Variants in FAT3 observed in about 807,000 individuals in gnomAD.
The protein encoded by FAT3 is FAT atypical cadherin 3.
FAT3 carries 95 observed loss-of-function variants against 310.2 expected under a neutral mutation model. The observed-to-expected ratio is 0.31, with a 90% CI of 0.26 to 0.36. The LOEUF (loss-of-function observed/expected upper bound fraction) is 0.36. FAT3 is among the 10% of genes least tolerant of loss of function. The pLI is 1.00. For missense variants in FAT3, 5,408 were observed against 5,715.6 expected (o/e 0.95, Z 1.74); for synonymous variants, 2,314 against 2,192.9 (o/e 1.06, Z -1.54).
chr11:92,561,275 G>A (rs1955217103), intron 3 of FAT3, among the ~76,000 whole-genome samples: 1 of 130,584 alleles, frequency 7.7e-6, no homozygotes, highest in Admixed American at 7.6e-5. Context: ...GTGTGTGTGT[G>A]TGTGTGTGTG....
At chr11:92,405,218 G>T (rs773534092) in intron 2 of FAT3, among the ~76,000 whole-genome samples, 2 of 152,036 alleles carry the variant, frequency 1.3e-5, no homozygotes, top group Non-Finnish European at 2.9e-5. Context: ...GGGGCATGGA[G>T]GTTGCTTCAC....
chr11:92,478,135 T>A (rs1050492868), intron 2 of FAT3, among the ~76,000 whole-genome samples: 1 of 152,316 alleles, frequency 6.6e-6, no homozygotes, highest in Non-Finnish European at 1.5e-5. Flanking sequence ...CCAAATAAAA[T>A]GTTTTCCTAG....
chr11:92,720,694 A>G (rs1384790897), intron 4 of FAT3, among the ~76,000 whole-genome samples: 1 of 152,098 alleles, frequency 6.6e-6, no homozygotes, highest in Non-Finnish European at 1.5e-5. Flanking sequence ...TCCAGATTTC[A>G]TGCTGCAGTT....
At chr11:92,706,931 G>A (rs1015905379) in intron 4 of FAT3, among the ~76,000 whole-genome samples, 6 of 152,202 alleles carry the variant, frequency 3.9e-5, no homozygotes, top group South Asian at 4.1e-4. Flanking sequence ...GCCAAGGAAC[G>A]GAAGGGTGCT....
At chr11:92,837,517 G>A in intron 16 of FAT3, 146 bp from the exon 17 acceptor site, 1 of 946,160 alleles carries the variant, frequency 1.1e-6, no homozygotes, top group Non-Finnish European at 1.6e-6. Context: ...AATGTCAGTG[G>A]TGCCAAGAAT....
In FAT3 at chr11:92,252,091, C is replaced by T. The variant is rs1395453094; in HGVS notation, c.-18+26917C>T. 2.0e-5 allele frequency among the ~76,000 whole-genome samples: 3 copies of T among 152,202 alleles called. No homozygotes were observed. The East Asian group carries it at 5.8e-4, about 30-fold the overall frequency. On this transcript the variant is annotated intron_variant, in intron 1 of 27. Coordinates refer to ENST00000525166, the MANE Select transcript of FAT3 (RefSeq NM_001367949.2). Reference sequence around the variant, plus strand: ...CAACAGTTACCACGTCATGACTTAGCAAGGCTTGGAATGCCTTGAGCTGTT... The same window carrying T: ...CAACAGTTACCACGTCATGACTTAGTAAGGCTTGGAATGCCTTGAGCTGTT...
chr11:92,858,826 G>C (rs959777130), intron 20 of FAT3, among the ~76,000 whole-genome samples: 1 of 152,162 alleles, frequency 6.6e-6, no homozygotes, highest in East Asian at 1.9e-4. Context: ...AGGAATGAAG[G>C]GGTATCTTTT....
In FAT3 at chr11:92,492,436, T is replaced by A. The variant is rs576086386; in HGVS notation, c.3293-32198T>A. ...TCTTTAAAATGGAGATCATAATAAT[T>A]AGCAAGGTTGTATTCTGTACCAGAG... On this transcript the variant is annotated intron_variant, in intron 2 of 27. Coordinates refer to ENST00000525166, the MANE Select transcript of FAT3 (RefSeq NM_001367949.2). 1.3e-5 allele frequency among the ~76,000 whole-genome samples: 2 copies of A among 152,172 alleles called. 1 individual carries two copies. Among genetic ancestry groups the A allele is most frequent in the South Asian group, 4.2e-4 (2 of 4,818 alleles).
intron 13 of FAT3, among the ~76,000 whole-genome samples, chr11:92,828,030 C>A (rs1454885549): frequency 6.6e-6 from 1 of 152,004 alleles, no homozygotes; most frequent in Non-Finnish European, 1.5e-5. Flanking sequence ...AACACAGAGG[C>A]AAAATGATGG....
At chr11:92,700,337 G>A (rs1427367653) in intron 4 of FAT3, among the ~76,000 whole-genome samples, 2 of 152,158 alleles carry the variant, frequency 1.3e-5, no homozygotes, top group African/African-American at 2.4e-5. Context: ...CTATGGTAAG[G>A]ATTTTGAATT....
At chr11:92,230,733 AG>A (rs1393931228) in intron 1 of FAT3, among the ~76,000 whole-genome samples, 4 of 152,224 alleles carry the variant, frequency 2.6e-5, no homozygotes, top group African/African-American at 9.6e-5. Flanking sequence ...CTGTTTATTG[AG>A]AAAATGAGAG....
chr11:92,483,210 T>C (rs1156709191), intron 2 of FAT3, among the ~76,000 whole-genome samples: 1 of 152,216 alleles, frequency 6.6e-6, no homozygotes, highest in Non-Finnish European at 1.5e-5. Context: ...CTGGGCAATC[T>C]GGAAGGAGTG....
intron 7 of FAT3, among the ~76,000 whole-genome samples, chr11:92,776,175 T>A (rs926841432): frequency 6.6e-6 from 1 of 152,172 alleles, no homozygotes; most frequent in Non-Finnish European, 1.5e-5. Flanking sequence ...TTCTCCAGAG[T>A]TTCATACCAG....
chr11:92,457,217 G>A (rs1041292994), intron 2 of FAT3, among the ~76,000 whole-genome samples: 2 of 152,152 alleles, frequency 1.3e-5, no homozygotes, highest in Non-Finnish European at 2.9e-5. Flanking sequence ...TCTGCCCTAC[G>A]AGGTCAGAGA....
chr11:92,404,810 A>T (rs566929989), intron 2 of FAT3, among the ~76,000 whole-genome samples: 1 of 152,116 alleles, frequency 6.6e-6, no homozygotes, highest in African/African-American at 2.4e-5. Context: ...GAGCTCATGT[A>T]GAACAAAAAG....
chr11:92,418,026 A>C (rs987572459), intron 2 of FAT3, among the ~76,000 whole-genome samples: 8 of 152,164 alleles, frequency 5.3e-5, no homozygotes, highest in African/African-American at 1.9e-4. Context: ...TGGGAATTCT[A>C]GTCTCCTCAC....
In FAT3 at chr11:92,801,577, C is replaced by T. The variant is rs761667888; in HGVS notation, c.8564C>T (p.Ser2855Leu). The stretch of plus-strand genomic sequence containing the variant: ...GGACAAGTCACTTACTCCCTCCACT[C>T]GGATTCCCAGCCCGAAAAGGTAATG... ...ANGQVTYSLH[S>L]DSQPEKVMEA... Residue 2855 changes from serine (S) to leucine (L), a missense_variant, in exon 10 of 28, where the codon TCG becomes TTG. By Grantham distance (145) the Ser-to-Leu change is moderately radical. Around this residue, in one of 5 missense-constraint regions of FAT3, gnomAD observed 4,588 missense variants for 4,809.8 expected, o/e 0.95. Coordinates refer to ENST00000525166, the MANE Select transcript of FAT3 (RefSeq NM_001367949.2). 1.6e-5 allele frequency: 25 copies of T among 1,609,334 alleles called. No individual in the cohort carries two copies. Among genetic ancestry groups the T allele is most frequent in the South Asian group, 3.3e-5 (3 of 90,228 alleles).
intron 2 of FAT3, among the ~76,000 whole-genome samples, chr11:92,395,458 A>G (rs968502739): frequency 6.6e-6 from 1 of 152,024 alleles, no homozygotes; most frequent in Non-Finnish European, 1.5e-5. Flanking sequence ...ATCTCTTACC[A>G]TGCCTGTCGA....
chr11:92,690,054 C>G (rs2135885392), intron 3 of FAT3, among the ~76,000 whole-genome samples: 1 of 152,344 alleles, frequency 6.6e-6, no homozygotes, highest in African/African-American at 2.4e-5. Flanking sequence ...GTGCCAGCCT[C>G]TACAGTTTTC....
Sources: gnomAD v4.1 joint callset for allele counts (sites outside exome capture counted in the v4.1 genomes callset) on GRCh38, gnomAD v4.1.1 for gene constraint, gnomAD v4.1.1 regional missense constraint, MANE v1.5 for transcripts, NCBI Gene and HGNC (gene_info 2026-07-23, HGNC 2026-07-21) for gene names.